The following PCDHGA8 variants were observed in gnomAD, a reference collection of about 807,000 sequenced individuals.
PCDHGA8 encodes the protein protocadherin gamma-A8.
A neutral mutation model predicts 59.2 loss-of-function variants in PCDHGA8; 45 were observed. The ratio of observed to expected loss-of-function variants is 0.76; its 90% confidence interval spans 0.60 to 0.98. The LOEUF is 0.98. Among genes scored for constraint, PCDHGA8 ranks in the 50% least tolerant of loss-of-function variants. The pLI is 0.00. For missense variants in PCDHGA8, 1,257 were observed against 1,196.2 expected, an observed-to-expected ratio of 1.05 and a Z score of -0.75; for synonymous variants, 531 against 519.0, an observed-to-expected ratio of 1.02 and a Z score of -0.32.
Position 141,485,267 on chromosome 5 carries a change from C to T in PCDHGA8, c.2425-9540C>T, listed in dbSNP as rs767229426. On this transcript the variant is annotated intron_variant, in intron 1 of 3. Transcript: ENST00000398604. This position sits in a 1 kb window ranked among gnomAD's most constrained non-coding sequence, Gnocchi z 5.7. ...CCTGGGTTACGTTTGTGGGCAGATC[C>T]GCTACCCGGTCCCAGAGGAGTCACA... is the stretch of plus-strand genomic sequence containing the variant. 6.2e-7 allele frequency: 1 copy of T among 1,614,088 alleles called. No homozygotes were observed. Among genetic ancestry groups the T allele is most frequent in the South Asian group, 1.1e-5 (1 of 91,082 alleles).
chr5:141,424,134 A>G (rs1255504512), intron 1 of PCDHGA8: 7 of 444,220 alleles, frequency 1.6e-5, no homozygotes, highest in Non-Finnish European at 2.2e-5. Context: ...TTGATTTAAT[A>G]GCATGCTCCC....
Position 141,393,714 on chromosome 5 carries a change from A to G in PCDHGA8, c.901A>G (p.Ile301Val). ...LFQLNENTGE[I>V]SIAKSLDYEE... Reference sequence around the variant, plus strand: ...CCAGCTTAATGAAAATACTGGGGAAATATCAATAGCAAAAAGTCTAGATTA... The same window carrying G: ...CCAGCTTAATGAAAATACTGGGGAAGTATCAATAGCAAAAAGTCTAGATTA... Residue 301 changes from isoleucine to valine, a missense_variant, in exon 1 of 4, where the codon ATA (isoleucine) becomes GTA (valine). Physicochemically the swap from Ile to Val is conservative, Grantham distance 29. Transcript: ENST00000398604. 1 of 1,613,878 alleles carries G rather than the reference A, an allele frequency of 6.2e-7. No homozygotes were observed. Among genetic ancestry groups the G allele is most frequent in the South Asian group, 1.1e-5 (1 of 91,084 alleles).
At chr5:141,460,214 G>A (rs925628892) in intron 1 of PCDHGA8, among the ~76,000 whole-genome samples, 2 of 151,896 alleles carry the variant, frequency 1.3e-5, no homozygotes, top group Admixed American at 6.6e-5. Flanking sequence ...CATTTTCTTA[G>A]TTGTGTCTTT....
chr5:141,398,264 T>C lies in PCDHGA8; in HGVS notation c.2424+3027T>C, dbSNP rs370063277. On this transcript the variant is annotated intron_variant, in intron 1 of 3. Transcript: ENST00000398604. ...CCCGAGGAAATGCCCAAGGGCTCCG[T>C]AGTGGGGAACCTCGCCACGGACCTG... 2,051 of 1,443,238 alleles carry C rather than the reference T, an allele frequency of 1.4e-3. 29 individuals carry two copies. In the African/African-American group the frequency reaches 0.026, roughly 18 times the overall value. 89.4% of individuals were successfully genotyped at this position (1,443,238 alleles called of 1,614,324 possible).
At chr5:141,478,766 T>C in intron 1 of PCDHGA8, 2 of 1,505,456 alleles carry the variant, frequency 1.3e-6, no homozygotes, top group Non-Finnish European at 1.8e-6. Flanking sequence ...GATACTTGAC[T>C]CATCTGTGGA....
In PCDHGA8 at chr5:141,413,207, C is replaced by G. The variant is rs563279284; in HGVS notation, c.2424+17970C>G. The G allele has an allele frequency of 2.1e-4, 334 of 1,612,874 alleles. 3 individuals carry two copies. In the South Asian group the frequency reaches 3.4e-3, roughly 17 times the overall value. On this transcript the variant is annotated intron_variant, in intron 1 of 3. Coordinates refer to ENST00000398604, the MANE Select transcript of PCDHGA8 (RefSeq NM_032088.2). ...GCTCAAAGGAATCGCTCAAAGGAAT[C>G]AAAGGATTGCAGCGGGCTGGTCCTG... is the stretch of plus-strand genomic sequence containing the variant.
Position 141,477,403 on chromosome 5 carries a change from C to T in PCDHGA8, c.2425-17404C>T, listed in dbSNP as rs1329599078. 2 of 1,614,164 alleles carry T rather than the reference C, an allele frequency of 1.2e-6. No individual in the cohort carries two copies. Among genetic ancestry groups the T allele is most frequent in the Non-Finnish European group, 1.7e-6 (2 of 1,180,042 alleles). ...CAGAATACAACCTCAGCATCACCGC[C>T]CGAGACGCCGGAACCCCTTCCCTCT... is the stretch of plus-strand genomic sequence containing the variant. On this transcript the variant is annotated intron_variant, in intron 1 of 3. Transcript: ENST00000398604. The surrounding 1 kb of genome is among the most constrained non-coding windows in gnomAD (Gnocchi z 4.9).
chr5:141,431,053 G>A lies in PCDHGA8; in HGVS notation c.2424+35816G>A, dbSNP rs1208370015. On this transcript the variant is annotated intron_variant, in intron 1 of 3. Coordinates refer to ENST00000398604, the MANE Select transcript of PCDHGA8 (RefSeq NM_032088.2). This position sits in a 1 kb window ranked among gnomAD's most constrained non-coding sequence, Gnocchi z 4.8. ...TAGACCGGGAGGAGCTCTGTATGGG[G>A]GCCATCAAGTGTCAATTAAATCTAG... 1 of 1,614,174 alleles carries A rather than the reference G, an allele frequency of 6.2e-7. No homozygotes were observed. Among genetic ancestry groups the A allele is most frequent in the Admixed American group, 1.7e-5 (1 of 60,030 alleles).
rs1248867280 is a variant in PCDHGA8 at position 141,511,325 on chromosome 5, C to T, written c.*152C>T. 18 of 1,466,406 alleles carry T rather than the reference C, an allele frequency of 1.2e-5. No homozygotes were observed. Among genetic ancestry groups the T allele is most frequent in the Non-Finnish European group, 1.5e-5 (17 of 1,099,872 alleles). 90.8% of individuals were successfully genotyped at this position (1,466,406 alleles called of 1,614,324 possible). A position where few individuals can be genotyped will look rare whatever the true frequency, so the allele number is the denominator to read the frequency against. On this transcript the variant is annotated 3_prime_UTR_variant, in exon 4 of 4. Coordinates refer to ENST00000398604, the MANE Select transcript of PCDHGA8 (RefSeq NM_032088.2). ...TCCCCTTGGGAAACAGAAACAAGTG[C>T]CCAGTCAGCACCTACCCCTTCCCCC...
chr5:141,500,207 T>G (rs932015076), intron 2 of PCDHGA8, among the ~76,000 whole-genome samples: 2 of 150,136 alleles, frequency 1.3e-5, no homozygotes, highest in African/African-American at 4.9e-5. Context: ...TTTATTTATT[T>G]ATTTATTTAT....
At chr5:141,461,328 A>G (rs2154567322) in intron 1 of PCDHGA8, among the ~76,000 whole-genome samples, 1 of 152,282 alleles carries the variant, frequency 6.6e-6, no homozygotes, top group East Asian at 1.9e-4. Flanking sequence ...AATAATGGCC[A>G]TTCTTGCAGG....
At chr5:141,495,923 T>G (rs1337381299) in intron 2 of PCDHGA8, among the ~76,000 whole-genome samples, 4 of 152,306 alleles carry the variant, frequency 2.6e-5, no homozygotes, top group South Asian at 2.1e-4. Context: ...TTTCTTTGTC[T>G]CTGTCTCTGG....
In PCDHGA8 at chr5:141,487,265, G is replaced by A; in HGVS notation, c.2425-7542G>A. 2 of 1,614,158 alleles carry A rather than the reference G, an allele frequency of 1.2e-6. 1 individual carries two copies. Among genetic ancestry groups the A allele is most frequent in the South Asian group, 2.2e-5 (2 of 91,084 alleles). On this transcript the variant is annotated intron_variant, in intron 1 of 3. Transcript: ENST00000398604. The surrounding 1 kb of genome is among the most constrained non-coding windows in gnomAD (Gnocchi z 5.0). Reference sequence around the variant, plus strand: ...AACCCTCTACTTGGCTGTGTCCCTAGTGGCAATTTGCTTTGTCTCCTTTGG... The same window carrying A: ...AACCCTCTACTTGGCTGTGTCCCTAATGGCAATTTGCTTTGTCTCCTTTGG...
At chr5:141,459,693 C>A (rs1014443574) in intron 1 of PCDHGA8, among the ~76,000 whole-genome samples, 1 of 152,210 alleles carries the variant, frequency 6.6e-6, no homozygotes, top group African/African-American at 2.4e-5. Flanking sequence ...AAGCGTTCCG[C>A]TTGCTACATT....
intron 1 of PCDHGA8, chr5:141,399,976 C>A (rs759278103): frequency 1.2e-6 from 2 of 1,612,122 alleles, no homozygotes; most frequent in African/African-American, 2.7e-5. Context: ...CAGCCTGGGG[C>A]TGCGCACAGG....
chr5:141,419,145 A>T, intron 1 of PCDHGA8: 1 of 1,613,940 alleles, frequency 6.2e-7, no homozygotes, highest in Non-Finnish European at 8.5e-7. Flanking sequence ...GACAGGGGCA[A>T]GCCTCCGTTA....
At position 141,485,133 on chromosome 5, in the gene PCDHGA8, C is replaced by A; in HGVS notation, c.2425-9674C>A. On this transcript the variant is annotated intron_variant, in intron 1 of 3. Transcript: ENST00000398604. The surrounding 1 kb of genome is among the most constrained non-coding windows in gnomAD (Gnocchi z 5.7). Reference sequence around the variant, plus strand: ...GCTGTTTGGGGCGGGTCGGCTTCATCCGCGTCTCAGGAGCAAGTAGAGAAT... The same window carrying A: ...GCTGTTTGGGGCGGGTCGGCTTCATACGCGTCTCAGGAGCAAGTAGAGAAT... The A allele has an allele frequency of 2.7e-6, 4 of 1,492,492 alleles. No homozygotes were observed. The highest frequency in any genetic ancestry group is 1.7e-5 in the Admixed American group (1 of 58,334). The allele number at this position is 1,492,492 out of a possible 1,614,324, so 92.5% of individuals were successfully genotyped here.
chr5:141,475,929 C>A, intron 1 of PCDHGA8: 1 of 634,624 alleles, frequency 1.6e-6, no homozygotes, highest in Non-Finnish European at 2.7e-6. Context: ...GGAGATCGGG[C>A]CCCTGCCCGT....
chr5:141,414,023 A>G lies in PCDHGA8; in HGVS notation c.2424+18786A>G, dbSNP rs746044242. 5 of 1,612,692 alleles carry G rather than the reference A, an allele frequency of 3.1e-6. No homozygotes were observed. The highest frequency in any genetic ancestry group is 2.2e-5 in the East Asian group (1 of 44,836). ...GAAGGTGCCAATGGAGAAGTGACAT[A>G]TTCATTCCGAAAATTACCTGACACG... On this transcript the variant is annotated intron_variant, in intron 1 of 3. Transcript: ENST00000398604.
Sources: allele counts gnomAD v4.1 joint callset (sites outside exome capture counted in the v4.1 genomes callset), GRCh38; gene constraint gnomAD v4.1.1; non-coding constraint Gnocchi (gnomAD v3.1); transcripts MANE v1.5; gene names NCBI Gene and HGNC (gene_info 2026-07-23, HGNC 2026-07-21).